CDH11: variants seen among roughly 807,000 people sequenced by gnomAD.
CDH11 encodes the protein cadherin-11.
In CDH11, 11 loss-of-function variants were observed where a neutral mutation model predicts 67.8. The ratio of observed to expected loss-of-function variants is 0.16; its 90% confidence interval spans 0.10 to 0.27. The LOEUF is 0.27. CDH11 is among the 10% of genes least tolerant of loss of function. The pLI is 1.00. For missense variants in CDH11, 847 were observed against 1,031.2 expected, an observed-to-expected ratio of 0.82 and a Z score of 2.45; for synonymous variants, 419 against 400.0, an observed-to-expected ratio of 1.05 and a Z score of -0.57.
intron 11 of CDH11, among the ~76,000 whole-genome samples, chr16:64,955,154 G>A (rs1418622489): frequency 6.6e-6 from 1 of 152,086 alleles, no homozygotes; most frequent in Non-Finnish European, 1.5e-5. Context: ...GCTGAGGCAG[G>A]AGAATGGCAT....
intron 1 of CDH11, among the ~76,000 whole-genome samples, chr16:65,092,157 C>G (rs982259233): frequency 6.6e-6 from 1 of 152,200 alleles, no homozygotes; most frequent in Non-Finnish European, 1.5e-5. Flanking sequence ...CTCCATCCTA[C>G]AGCACAGTGA....
chr16:64,994,072 G>A (rs927220507), intron 4 of CDH11, among the ~76,000 whole-genome samples: 7 of 152,198 alleles, frequency 4.6e-5, no homozygotes, highest in Admixed American at 4.6e-4. Context: ...AGAGGGGCAA[G>A]GTTCTATGTG....
At chr16:64,951,093 T>C in intron 11 of CDH11, 75 bp from the exon 12 acceptor site, 1 of 1,426,278 alleles carries the variant, frequency 7.0e-7, no homozygotes. Flanking sequence ...GCTCGGCAGA[T>C]TTGAGGGCAC....
intron 1 of CDH11, among the ~76,000 whole-genome samples, chr16:65,068,954 T>G (rs552399590): frequency 6.6e-6 from 1 of 152,342 alleles, no homozygotes; most frequent in African/African-American, 2.4e-5. Flanking sequence ...TCCCTATGCA[T>G]GTTTTAAGTA....
chr16:65,108,578 A>C (rs181181357), intron 1 of CDH11, among the ~76,000 whole-genome samples: 1 of 152,304 alleles, frequency 6.6e-6, no homozygotes, highest in Admixed American at 6.5e-5. Flanking sequence ...TATTTTGGCA[A>C]AGTATTGAGA....
intron 2 of CDH11, among the ~76,000 whole-genome samples, chr16:65,010,974 T>C (rs974155113): frequency 1.0e-4 from 11 of 108,004 alleles, no homozygotes; most frequent in African/African-American, 3.0e-4. Context: ...TATGTGTTTA[T>C]ATATATATAT....
intron 2 of CDH11, among the ~76,000 whole-genome samples, chr16:65,042,251 A>C (rs1715611819): frequency 6.6e-6 from 1 of 152,192 alleles, no homozygotes; most frequent in African/African-American, 2.4e-5. Context: ...ACAATATAAA[A>C]ATCAGCCATG....
intron 2 of CDH11, among the ~76,000 whole-genome samples, chr16:65,023,973 T>C (rs1267458530): frequency 2.0e-5 from 3 of 152,184 alleles, no homozygotes; most frequent in East Asian, 1.9e-4. Flanking sequence ...CTCCTGGGGA[T>C]GCAGCCCAGC....
At chr16:64,972,431 C>A (rs1162427840) in intron 9 of CDH11, among the ~76,000 whole-genome samples, 1 of 152,144 alleles carries the variant, frequency 6.6e-6, no homozygotes, top group African/African-American at 2.4e-5. Context: ...TTGTTGGAAG[C>A]AAAAATTCTC....
intron 1 of CDH11, among the ~76,000 whole-genome samples, chr16:65,078,630 C>G (rs1193971683): frequency 6.6e-6 from 1 of 152,110 alleles, no homozygotes; most frequent in African/African-American, 2.4e-5. Context: ...GAATTCTAGT[C>G]TAATAGACAT....
intron 1 of CDH11, among the ~76,000 whole-genome samples, chr16:65,084,456 CAAAAAG>C (rs767896257): frequency 2.5e-4 from 37 of 149,434 alleles, no homozygotes; most frequent in Non-Finnish European, 4.9e-4. Flanking sequence ...AAGATTCTGT[CAAAAAG>C]AAAAAGAAAA....
In CDH11 at chr16:64,973,061, G is replaced by A. The variant is rs1442797764; in HGVS notation, c.1254-21C>T. 8 of 1,610,516 alleles carry A rather than the reference G, an allele frequency of 5.0e-6. No homozygotes were observed. In the Admixed American group the frequency reaches 6.7e-5, roughly 13 times the overall value. ...AATACCTAAGCAGAATGCAAATGAG[G>A]CAATTAGACCAAGACATTCAGAGCA... On this transcript the variant is annotated intron_variant, in intron 8 of 12. Transcript: ENST00000268603.
At chr16:65,007,144 T>C (rs1486592298) in intron 2 of CDH11, 1 of 152,202 alleles carries the variant, frequency 6.6e-6, no homozygotes, top group Non-Finnish European at 1.5e-5. Context: ...AAATTATAAT[T>C]TGTAGATACA....
intron 6 of CDH11, among the ~76,000 whole-genome samples, chr16:64,989,485 A>T (rs1597060198): frequency 6.6e-6 from 1 of 152,190 alleles, no homozygotes; most frequent in African/African-American, 2.4e-5. Flanking sequence ...GAAGACAATG[A>T]CGTGCATATC....
intron 1 of CDH11, among the ~76,000 whole-genome samples, chr16:65,102,818 C>T (rs2075014561): frequency 6.6e-6 from 1 of 152,162 alleles, no homozygotes; most frequent in African/African-American, 2.4e-5. Flanking sequence ...TTCTGTTGAA[C>T]CCAACTTTGG....
At chr16:65,109,425 T>A (rs1442626427) in intron 1 of CDH11, among the ~76,000 whole-genome samples, 1 of 152,182 alleles carries the variant, frequency 6.6e-6, no homozygotes, top group Non-Finnish European at 1.5e-5. Context: ...GAGAAAGTTT[T>A]TAACTGTGTG....
At chr16:65,001,478 T>TAAGG (rs2072918273) in intron 3 of CDH11, among the ~76,000 whole-genome samples, 1 of 152,124 alleles carries the variant, frequency 6.6e-6, no homozygotes, top group Non-Finnish European at 1.5e-5. Flanking sequence ...TGGCAGAAGT[T>TAAGG]AAGGGCAAGG....
intron 2 of CDH11, among the ~76,000 whole-genome samples, chr16:65,022,345 T>C (rs965353983): frequency 6.6e-6 from 1 of 152,184 alleles, no homozygotes; most frequent in South Asian, 2.1e-4. Flanking sequence ...CACTATTTTA[T>C]AAAAGATAGG....
intron 1 of CDH11, among the ~76,000 whole-genome samples, chr16:65,075,995 G>A (rs1290364505): frequency 6.6e-6 from 1 of 152,186 alleles, no homozygotes; most frequent in Non-Finnish European, 1.5e-5. Flanking sequence ...GTGAGCATGT[G>A]TAGGAAGAAG....
Sources: gnomAD v4.1 joint callset for allele counts (sites outside exome capture counted in the v4.1 genomes callset) on GRCh38, gnomAD v4.1.1 for gene constraint, MANE v1.5 for transcripts, NCBI Gene and HGNC (gene_info 2026-07-23, HGNC 2026-07-21) for gene names.